INPP5A: variants seen among roughly 807,000 people sequenced by gnomAD.
INPP5A encodes 43 kDa inositol polyphosphate 5-phophatase.
A neutral mutation model predicts 65.2 loss-of-function variants in INPP5A; 14 were observed. That is an observed-to-expected ratio of 0.21 (90% confidence interval 0.14 to 0.34). The LOEUF (loss-of-function observed/expected upper bound fraction) is 0.34. INPP5A is among the 10% of genes least tolerant of loss of function. The probability of loss-of-function intolerance (pLI) is 1.00; values close to 1 mark genes in which losing one functional copy is unlikely to be tolerated. For synonymous variants in INPP5A, 207 were observed against 208.3 expected (o/e 0.99, Z 0.05); for missense variants, 431 against 545.6 (o/e 0.79, Z 2.09).
rs1435731893 is a variant in INPP5A, at chr10:132,707,793, G to A, written c.475-520G>A. ...TGGGGATCAGTGAGAGGCATCGGTG[G>A]GTGAGAGGCATCGGTGGGTGAACGG... On this transcript the variant is annotated intron_variant, in intron 6 of 15. Coordinates refer to ENST00000368594, the MANE Select transcript of INPP5A (RefSeq NM_005539.5). This position sits in a 1 kb window ranked among gnomAD's most constrained non-coding sequence, Gnocchi z 5.5. Among the ~76,000 whole-genome samples, 2 of 151,782 alleles carry A rather than the reference G, an allele frequency of 1.3e-5. No individual in the cohort carries two copies. Among genetic ancestry groups the A allele is most frequent in the Non-Finnish European group, 2.9e-5 (2 of 67,884 alleles).
chr10:132,708,101 G>A lies in INPP5A; in HGVS notation c.475-212G>A, dbSNP rs189857515. ...TTCCCCCCACCCCACCCCAGGCTGGGCATCAGCAGCCCCTGCAGGCATCTC... is the reference window on the plus strand; with the variant it reads ...TTCCCCCCACCCCACCCCAGGCTGGACATCAGCAGCCCCTGCAGGCATCTC... On this transcript the variant is annotated intron_variant, in intron 6 of 15. Coordinates refer to ENST00000368594, the MANE Select transcript of INPP5A (RefSeq NM_005539.5). 4.8e-3 allele frequency among the ~76,000 whole-genome samples: 732 copies of A among 152,304 alleles called. 8 individuals are homozygous for A. Among genetic ancestry groups the A allele is most frequent in the Middle Eastern group, 0.01 (3 of 294 alleles).
chr10:132,643,519 A>T (rs2072453863), intron 2 of INPP5A, among the ~76,000 whole-genome samples: 1 of 152,230 alleles, frequency 6.6e-6, no homozygotes, highest in African/African-American at 2.4e-5. Context: ...TAAATGAAAT[A>T]AAATTAAATT....
rs765399055 is a variant in INPP5A at position 132,627,711 on chromosome 10, G to A, written c.118-18157G>A. 1.1e-4 allele frequency among the ~76,000 whole-genome samples: 17 copies of A among 152,194 alleles called. No homozygotes were observed. Among genetic ancestry groups the A allele is most frequent in the African/African-American group, 3.9e-4 (16 of 41,440 alleles). On this transcript the variant is annotated intron_variant, in intron 2 of 15. Coordinates refer to ENST00000368594, the MANE Select transcript of INPP5A (RefSeq NM_005539.5). The surrounding 1 kb of genome is among the most constrained non-coding windows in gnomAD (Gnocchi z 6.6). ...GATGGCTGGGATTATAGTGAGAGGC[G>A]AGACAGGGGATGCAGACGGGTAGAT...
chr10:132,658,604 G>A (rs2072691775), intron 4 of INPP5A, among the ~76,000 whole-genome samples: 1 of 152,146 alleles, frequency 6.6e-6, no homozygotes, highest in Admixed American at 6.5e-5. Flanking sequence ...CTTGACGCGT[G>A]TCGATCTGTT....
intron 1 of INPP5A, among the ~76,000 whole-genome samples, chr10:132,556,711 T>C (rs2071131727): frequency 6.6e-6 from 1 of 152,248 alleles, no homozygotes. Context: ...CTATTAGATG[T>C]GTAAAATGGC....
chr10:132,611,644 G>A (rs1590867126), intron 2 of INPP5A, among the ~76,000 whole-genome samples: 2 of 134,238 alleles, frequency 1.5e-5, no homozygotes, highest in African/African-American at 2.8e-5. Flanking sequence ...GGGTGAGGGA[G>A]GTGAGGTGGG....
At chr10:132,583,851 G>T (rs1017100784) in intron 1 of INPP5A, among the ~76,000 whole-genome samples, 1 of 152,180 alleles carries the variant, frequency 6.6e-6, no homozygotes, top group Non-Finnish European at 1.5e-5. Context: ...GGAGGCCAAG[G>T]GGGGCGGATA....
chr10:132,748,015 G>A (rs1056071676), intron 9 of INPP5A, among the ~76,000 whole-genome samples: 9 of 152,148 alleles, frequency 5.9e-5, no homozygotes, highest in Non-Finnish European at 8.8e-5. Flanking sequence ...ACGCCACTGC[G>A]CTCTGGCCTG....
intron 9 of INPP5A, among the ~76,000 whole-genome samples, chr10:132,731,139 G>A (rs961183689): frequency 3.9e-5 from 6 of 152,194 alleles, no homozygotes; most frequent in Non-Finnish European, 5.9e-5. Flanking sequence ...ATGGGATGGC[G>A]TGGTCAGCCC....
intron 1 of INPP5A, among the ~76,000 whole-genome samples, chr10:132,556,805 A>T (rs899579792): frequency 3.3e-5 from 5 of 150,110 alleles, no homozygotes; most frequent in African/African-American, 1.2e-4. Context: ...TATGATTTTG[A>T]TTTTAGAACT....
Position 132,649,619 on chromosome 10 carries a change from C to A in INPP5A, c.219-799C>A, listed in dbSNP as rs894167493. ...TTTATTTTCTTCAATGTGGACCCCC[C>A]TTCTTCCTGACACATGGACTGGCTG... On this transcript the variant is annotated intron_variant, in intron 3 of 15. Coordinates refer to ENST00000368594, the MANE Select transcript of INPP5A (RefSeq NM_005539.5). 2.6e-5 allele frequency among the ~76,000 whole-genome samples: 4 copies of A among 152,172 alleles called. No homozygotes were observed. The East Asian group carries it at 7.7e-4, about 29-fold the overall frequency.
rs2134521953 is a variant in INPP5A, at chr10:132,707,334, C to T, written c.475-979C>T. Among the ~76,000 whole-genome samples, 1 of 147,130 alleles carries T rather than the reference C, an allele frequency of 6.8e-6. No homozygotes were observed. Among genetic ancestry groups the T allele is most frequent in the South Asian group, 2.3e-4 (1 of 4,376 alleles). On this transcript the variant is annotated intron_variant, in intron 6 of 15. Transcript: ENST00000368594. This position sits in a 1 kb window ranked among gnomAD's most constrained non-coding sequence, Gnocchi z 5.5. ...TGCCCTGCCCTGTTGGCTGCCGTTC[C>T]CCCGCCACTGCCTGAAGCGCTTTGC...
At chr10:132,588,611 C>T (rs1292579270) in intron 1 of INPP5A, among the ~76,000 whole-genome samples, 2 of 152,252 alleles carry the variant, frequency 1.3e-5, no homozygotes, top group South Asian at 2.1e-4. Flanking sequence ...CCCAGCACAG[C>T]GCCCACCCTG....
chr10:132,639,323 T>C lies in INPP5A; in HGVS notation c.118-6545T>C, dbSNP rs1241737074. 2.0e-5 allele frequency among the ~76,000 whole-genome samples: 3 copies of C among 151,740 alleles called. No homozygotes were observed. The South Asian group carries it at 6.2e-4, about 32-fold the overall frequency. On this transcript the variant is annotated intron_variant, in intron 2 of 15. Transcript: ENST00000368594. ...TCTGGGTTGACTTTTTTTTTTTTTT[T>C]CCTTAAGCACTTTAAAGGCCTTGTT...
At chr10:132,579,770 C>T (rs906438299) in intron 1 of INPP5A, among the ~76,000 whole-genome samples, 4 of 151,800 alleles carry the variant, frequency 2.6e-5, no homozygotes, top group South Asian at 2.1e-4. Context: ...AGGAGAAGCC[C>T]GGAAGATTGA....
chr10:132,670,541 G>A (rs895301105), intron 4 of INPP5A, among the ~76,000 whole-genome samples: 2 of 149,500 alleles, frequency 1.3e-5, no homozygotes, highest in Non-Finnish European at 3.0e-5. Context: ...CCAGAAGCAG[G>A]AGGACACTGT....
At chr10:132,608,213 C>T (rs1220770528) in intron 2 of INPP5A, among the ~76,000 whole-genome samples, 4 of 152,354 alleles carry the variant, frequency 2.6e-5, no homozygotes, top group Non-Finnish European at 4.4e-5. Context: ...CCCCGCTCCC[C>T]GCGGGGTTCA....
rs138728842 is a variant in INPP5A, at chr10:132,690,424, C to T, written c.339C>T (p.Ser113=). The change falls in exon 5 of 16, where the codon TCC becomes TCT. Residue 113 remains serine, a synonymous_variant. Transcript: ENST00000368594. ...GAAGCTTTTATTTTCTTCATGAGTC[C>T]TTAAAAAACATCTACCAGTTTGACT... ...ALGSFYFLHE[S]LKNIYQFDFK... is the part of the protein sequence containing the mutation. 2.5e-6 allele frequency: 4 copies of T among 1,612,988 alleles called. No homozygotes were observed. The highest frequency in any genetic ancestry group is 2.5e-6 in the Non-Finnish European group (3 of 1,179,246).
At chr10:132,626,923 C>G (rs567486315) in intron 2 of INPP5A, among the ~76,000 whole-genome samples, 1 of 151,946 alleles carries the variant, frequency 6.6e-6, no homozygotes, top group Non-Finnish European at 1.5e-5. Flanking sequence ...GGCACTGGGG[C>G]GGGGTGGGTG....
Sources: allele counts gnomAD v4.1 joint callset (sites outside exome capture counted in the v4.1 genomes callset), GRCh38; gene constraint gnomAD v4.1.1; non-coding constraint Gnocchi (gnomAD v3.1); transcripts MANE v1.5; gene names NCBI Gene and HGNC (gene_info 2026-07-23, HGNC 2026-07-21).